Variants in DNM3 observed in about 807,000 individuals in gnomAD.
DNM3 encodes the protein dynamin-3.
A neutral mutation model predicts 101.6 loss-of-function variants in DNM3; 47 were observed. That is an observed-to-expected ratio of 0.46 (90% CI 0.37 to 0.59). The LOEUF is 0.59. Ranked by LOEUF, DNM3 falls within the 20% of genes least tolerant of loss-of-function variation. The pLI, the probability that DNM3 is intolerant of heterozygous loss-of-function variation, is 0.00. For synonymous variants in DNM3, 385 were observed against 387.9 expected, an observed-to-expected ratio of 0.99 and a Z score of 0.09; for missense variants, 849 against 1,085.7, an observed-to-expected ratio of 0.78 and a Z score of 3.06.
intron 17 of DNM3, among the ~76,000 whole-genome samples, chr1:172,353,663 T>C (rs2067294207): frequency 6.6e-6 from 1 of 152,180 alleles, no homozygotes; most frequent in South Asian, 2.1e-4. Flanking sequence ...ATTTTCATTT[T>C]ATGAACGCTC....
chr1:172,117,687 A>G (rs2056017056), intron 13 of DNM3, among the ~76,000 whole-genome samples: 2 of 152,204 alleles, frequency 1.3e-5, no homozygotes, highest in Admixed American at 1.3e-4. Context: ...TCAGGGTCCC[A>G]CAAGTATCAT....
chr1:172,022,258 A>C (rs976142698), intron 4 of DNM3, among the ~76,000 whole-genome samples: 2 of 152,140 alleles, frequency 1.3e-5, no homozygotes, highest in Non-Finnish European at 1.5e-5. Context: ...TGAGCCTGGC[A>C]CATAATCAGG....
chr1:172,195,819 G>C (rs922863373), intron 14 of DNM3, among the ~76,000 whole-genome samples: 7 of 151,410 alleles, frequency 4.6e-5, no homozygotes, highest in Admixed American at 1.3e-4. Flanking sequence ...GGCTTGATTT[G>C]GTAATATTTT....
At chr1:172,319,985 A>G (rs1479402858) in intron 16 of DNM3, among the ~76,000 whole-genome samples, 1 of 151,978 alleles carries the variant, frequency 6.6e-6, no homozygotes, top group Admixed American at 6.5e-5. Flanking sequence ...ACCAAGCCAA[A>G]TGTCCAACAA....
At chr1:172,276,192 G>A (rs549715552) in intron 15 of DNM3, among the ~76,000 whole-genome samples, 1 of 152,158 alleles carries the variant, frequency 6.6e-6, no homozygotes, top group Non-Finnish European at 1.5e-5. Flanking sequence ...AAAGGGGACA[G>A]TATTAATAAT....
chr1:172,015,596 A>T (rs570547243), intron 4 of DNM3, among the ~76,000 whole-genome samples: 1 of 152,238 alleles, frequency 6.6e-6, no homozygotes, highest in East Asian at 1.9e-4. Context: ...TAGGAAAATG[A>T]TTGACTTTTA....
chr1:172,272,007 T>C (rs2063106915), intron 15 of DNM3, among the ~76,000 whole-genome samples: 3 of 152,102 alleles, frequency 2.0e-5, no homozygotes, highest in African/African-American at 7.2e-5. Context: ...TGTCAGTTGT[T>C]TTCCTTTAAA....
intron 14 of DNM3, among the ~76,000 whole-genome samples, chr1:172,251,269 T>C (rs1489343946): frequency 6.6e-6 from 1 of 150,964 alleles, no homozygotes; most frequent in Non-Finnish European, 1.5e-5. Context: ...CTATTTCTTT[T>C]GTTTATTTTA....
At chr1:172,250,268 G>T (rs780041029) in intron 14 of DNM3, among the ~76,000 whole-genome samples, 1 of 152,086 alleles carries the variant, frequency 6.6e-6, no homozygotes, top group Non-Finnish European at 1.5e-5. Context: ...TGCTATGTTA[G>T]GGAACTATTG....
At chr1:171,904,862 G>C (rs888211034) in intron 1 of DNM3, among the ~76,000 whole-genome samples, 2 of 152,184 alleles carry the variant, frequency 1.3e-5, no homozygotes, top group Non-Finnish European at 2.9e-5. Context: ...AATGCTGCCA[G>C]TGGAAAGAAG....
intron 14 of DNM3, among the ~76,000 whole-genome samples, chr1:172,246,133 A>G (rs1440994769): frequency 6.6e-6 from 1 of 152,120 alleles, no homozygotes; most frequent in Non-Finnish European, 1.5e-5. Context: ...CAAGGGGGAA[A>G]TCCACCCCCA....
intron 4 of DNM3, among the ~76,000 whole-genome samples, chr1:172,022,315 A>G (rs2047901856): frequency 6.6e-6 from 1 of 152,158 alleles, no homozygotes. Context: ...AAATGCTTTC[A>G]AAGCATGATG....
At chr1:172,401,070 C>A (rs910655026) in intron 20 of DNM3, among the ~76,000 whole-genome samples, 1 of 152,184 alleles carries the variant, frequency 6.6e-6, no homozygotes, top group Non-Finnish European at 1.5e-5. Context: ...ATTTCTGTAT[C>A]TCTACCTCTT....
At chr1:172,022,638 C>A (rs2047926765) in intron 4 of DNM3, among the ~76,000 whole-genome samples, 1 of 152,010 alleles carries the variant, frequency 6.6e-6, no homozygotes, top group Non-Finnish European at 1.5e-5. Flanking sequence ...CCCTTGCCCA[C>A]CCCTCCTGAC....
chr1:171,867,326 G>A (rs1353423332), intron 1 of DNM3, among the ~76,000 whole-genome samples: 1 of 152,202 alleles, frequency 6.6e-6, no homozygotes, highest in Non-Finnish European at 1.5e-5. Flanking sequence ...TGTGCTTCCT[G>A]TGCCTCTGTG....
intron 15 of DNM3, among the ~76,000 whole-genome samples, chr1:172,303,899 C>A (rs1056275527): frequency 2.0e-5 from 3 of 152,046 alleles, no homozygotes; most frequent in Non-Finnish European, 4.4e-5. Context: ...TGGAAAGGAA[C>A]AACTGGTACC....
chr1:172,265,492 A>T (rs745433546), intron 15 of DNM3, among the ~76,000 whole-genome samples: 1 of 152,172 alleles, frequency 6.6e-6, no homozygotes, highest in Non-Finnish European at 1.5e-5. Flanking sequence ...TCTTTTAAAG[A>T]TGGCATCATA....
chr1:172,407,746 T>TTACC, intron 20 of DNM3, 26 bp from the exon 21 acceptor site: 6 of 1,608,920 alleles, frequency 3.7e-6, no homozygotes, highest in Non-Finnish European at 3.4e-6. Flanking sequence ...ACTTGTTTCT[T>TTACC]TACCTTTCTC....
At chr1:172,028,089 C>T (rs2048339590) in intron 4 of DNM3, among the ~76,000 whole-genome samples, 1 of 152,180 alleles carries the variant, frequency 6.6e-6, no homozygotes, top group Admixed American at 6.5e-5. Flanking sequence ...CTACAGAACT[C>T]TCCACCCCAA....
Sources: allele counts gnomAD v4.1 joint callset (sites outside exome capture counted in the v4.1 genomes callset), GRCh38; gene constraint gnomAD v4.1.1; transcripts MANE v1.5; gene names NCBI Gene and HGNC (gene_info 2026-07-23, HGNC 2026-07-21).